Variants in AGAP3 observed in about 807,000 individuals in gnomAD.
AGAP3 encodes ArfGAP with GTPase domain, ankyrin repeat and PH domain 3, also known as arf-GAP with GTPase, ANK repeat and PH domain-containing protein 3.
A neutral mutation model predicts 96.9 loss-of-function variants in AGAP3; 24 were observed. The ratio of observed to expected loss-of-function variants is 0.25; its 90% CI spans 0.18 to 0.35. The LOEUF (loss-of-function observed/expected upper bound fraction) is 0.35. AGAP3 is among the 10% of genes least tolerant of loss of function. AGAP3 has a pLI of 1.00. For synonymous variants in AGAP3, 563 were observed against 536.1 expected, an observed-to-expected ratio of 1.05 and a Z score of -0.69; for missense variants, 876 against 1,254.2, an observed-to-expected ratio of 0.70 and a Z score of 4.55.
chr7:151,096,357 C>T lies in AGAP3; in HGVS notation c.331+9285C>T, dbSNP rs1371120596. The stretch of plus-strand genomic sequence containing the variant: ...TGAGGGGGCAGGGCTGTCACAGGGC[C>T]TGCACGTTCCCGTGAACACCCAGGG... On this transcript the variant is annotated intron_variant, in intron 1 of 17. Transcript: ENST00000397238. The surrounding 1 kb of genome is among the most constrained non-coding windows in gnomAD (Gnocchi z 4.4). 1.3e-5 allele frequency among the ~76,000 whole-genome samples: 2 copies of T among 151,020 alleles called. No individual in the cohort carries two copies. Among genetic ancestry groups the T allele is most frequent in the African/African-American group, 2.4e-5 (1 of 41,234 alleles).
rs1799681600 is a variant in AGAP3 at position 151,118,050 on chromosome 7, T to G, written c.707-160T>G. ...TGCTGGTTTGCACTCAGTGAGGCCA[T>G]GGAAGGGTTGAAATGAGACCCAGGC... On this transcript the variant is annotated intron_variant, in intron 5 of 17. Transcript: ENST00000397238. The surrounding 1 kb of genome is among the most constrained non-coding windows in gnomAD (Gnocchi z 6.1). The G allele has an allele frequency of 3.9e-6, 4 of 1,027,710 alleles. No homozygotes were observed. The highest frequency in any genetic ancestry group is 5.6e-6 in the Non-Finnish European group (4 of 712,526). The allele number at this position is 1,027,710 out of a possible 1,614,324, so 63.7% of individuals were successfully genotyped here. A position where few individuals can be genotyped will look rare whatever the true frequency, so the allele number is the denominator to read the frequency against.
chr7:151,120,283 C>T (rs1328146067), intron 8 of AGAP3, 138 bp downstream of exon 8: 18 of 945,446 alleles, frequency 1.9e-5, no homozygotes, highest in African/African-American at 6.6e-5. Flanking sequence ...CAGATACACA[C>T]GGCTCCCGAG....
chr7:151,125,819 A>G (rs907828303), intron 9 of AGAP3, among the ~76,000 whole-genome samples: 2 of 152,234 alleles, frequency 1.3e-5, no homozygotes, highest in African/African-American at 4.8e-5. Context: ...GGACTCCGCA[A>G]TTAAGTCGGC....
Position 151,114,682 on chromosome 7 carries a change from G to A in AGAP3, c.332-2111G>A. On this transcript the variant is annotated intron_variant, in intron 1 of 17. Transcript: ENST00000397238. This position sits in a 1 kb window ranked among gnomAD's most constrained non-coding sequence, Gnocchi z 4.4. ...GCCCACACCAGGTGCCCAGAGGCCG[G>A]AGGTCCGTGCGCCCCGGCCGCGGCC... 1 of 990,536 alleles carries A rather than the reference G, an allele frequency of 1.0e-6. No individual in the cohort carries two copies. The highest frequency in any genetic ancestry group is 1.7e-5 in the African/African-American group (1 of 57,344). 61.4% of individuals were successfully genotyped at this position (990,536 alleles called of 1,614,324 possible).
At chr7:151,094,867 C>T (rs574866188) in intron 1 of AGAP3, among the ~76,000 whole-genome samples, 20 of 151,396 alleles carry the variant, frequency 1.3e-4, no homozygotes, top group African/African-American at 4.9e-4. Context: ...CCCTTCCTCC[C>T]TTCCTCCCTT....
rs774517617 is a variant in AGAP3 at position 151,134,519 on chromosome 7, C to T, written c.1446C>T (p.Ala482=). The change falls in exon 11 of 18, where the codon GCC becomes GCT. Residue 482 remains alanine (A), a synonymous_variant. Transcript: ENST00000397238. The stretch of plus-strand genomic sequence containing the variant: ...CAGCCCCGGGCACCAGCCCCCGTGC[C>T]AACGGGCTGTCCGTGGAGCGGAGTA... ...PATAPGTSPR[A]NGLSVERSNT... 1 of 1,613,196 alleles carries T rather than the reference C, an allele frequency of 6.2e-7. No individual in the cohort carries two copies. The highest frequency in any genetic ancestry group is 1.1e-5 in the South Asian group (1 of 91,056).
At position 151,143,364 on chromosome 7, in the gene AGAP3, G is replaced by A. The variant is rs746151673; in HGVS notation, c.2297G>A (p.Arg766Gln). 7.4e-6 allele frequency: 12 copies of A among 1,613,088 alleles called. No individual in the cohort carries two copies. In the East Asian group the frequency reaches 1.1e-4, roughly 15 times the overall value. Residue 766 changes from arginine (R) to glutamine (Q), a missense_variant, in exon 17 of 18, where the codon CGG becomes CAG. Around this residue, in one of 8 missense-constraint regions of AGAP3, gnomAD observed 213 missense variants for 253.8 expected, o/e 0.84. Transcript: ENST00000397238. The surrounding 1 kb of genome is among the most constrained non-coding windows in gnomAD (Gnocchi z 5.9). ...AGAGAGGAGAAGGAACGCTGGATAC[G>A]GGCCAAGTATGAACAGAAGCTCTTC... Reference protein sequence around the residue: ...ACREEKERWIRAKYEQKLFLA... With the variant: ...ACREEKERWIQAKYEQKLFLA...
At chr7:151,135,534 C>G (rs1269697624) in intron 11 of AGAP3, among the ~76,000 whole-genome samples, 4 of 152,326 alleles carry the variant, frequency 2.6e-5, no homozygotes, top group African/African-American at 9.6e-5. Flanking sequence ...GTCCCACTCA[C>G]AAGGCTGATG....
chr7:151,137,206 G>A (rs1467380473), intron 11 of AGAP3, among the ~76,000 whole-genome samples: 1 of 152,222 alleles, frequency 6.6e-6, no homozygotes, highest in Non-Finnish European at 1.5e-5. Flanking sequence ...GAGACCTGGC[G>A]CCTGCCCTTC....
chr7:151,142,718 A>C lies in AGAP3; in HGVS notation c.2273+84A>C. 7.0e-7 allele frequency: 1 copy of C among 1,426,224 alleles called. No homozygotes were observed. The highest frequency in any genetic ancestry group is 9.6e-7 in the Non-Finnish European group (1 of 1,040,914). The allele number at this position is 1,426,224 out of a possible 1,614,324, so 88.3% of individuals were successfully genotyped here. A position where few individuals can be genotyped will look rare whatever the true frequency, so the allele number is the denominator to read the frequency against. On this transcript the variant is annotated intron_variant, in intron 16 of 17. Transcript: ENST00000397238. The surrounding 1 kb of genome is among the most constrained non-coding windows in gnomAD (Gnocchi z 7.5). ...CATGGGGAAGATTGGAGTGGCTGTG[A>C]TGGTATTAGAAGGGTTAAAACTGTC... is the stretch of plus-strand genomic sequence containing the variant.
chr7:151,105,691 G>A (rs1282041177), intron 1 of AGAP3, among the ~76,000 whole-genome samples: 5 of 150,770 alleles, frequency 3.3e-5, no homozygotes, highest in Non-Finnish European at 5.9e-5. Context: ...TCTTGAGCCC[G>A]GGAGGGGAGA....
chr7:151,125,911 C>T (rs1800140035), intron 9 of AGAP3, among the ~76,000 whole-genome samples: 1 of 152,230 alleles, frequency 6.6e-6, no homozygotes, highest in South Asian at 2.1e-4. Flanking sequence ...GTTCCCATTC[C>T]GCCCCAGATT....
At position 151,116,745 on chromosome 7, in the gene AGAP3, G is replaced by A. The variant is rs370623093; in HGVS notation, c.332-48G>A. ...GACACAGGCAGCAGTGGTTGGGACA[G>A]GTGTGTGTGCCACCCTGGCCCTGAC... On this transcript the variant is annotated intron_variant, in intron 1 of 17. Transcript: ENST00000397238. 4 of 1,610,116 alleles carry A rather than the reference G, an allele frequency of 2.5e-6. No homozygotes were observed. The African/African-American group carries it at 5.3e-5, about 22-fold the overall frequency.
Position 151,118,705 on chromosome 7 carries a change from C to A in AGAP3, c.969+73C>A. The A allele has an allele frequency of 6.4e-7, 1 of 1,562,768 alleles. No individual in the cohort carries two copies. The highest frequency in any genetic ancestry group is 8.7e-7 in the Non-Finnish European group (1 of 1,149,494). ...CTTGCCTCTGTGCGTCCTGCCACTTCTGCTGGCCTCCTGCTCACACCTGTC... is the reference window on the plus strand; with the variant it reads ...CTTGCCTCTGTGCGTCCTGCCACTTATGCTGGCCTCCTGCTCACACCTGTC... On this transcript the variant is annotated intron_variant, in intron 7 of 17. Coordinates refer to ENST00000397238, the MANE Select transcript of AGAP3 (RefSeq NM_031946.7). The surrounding 1 kb of genome is among the most constrained non-coding windows in gnomAD (Gnocchi z 6.1).
rs1584792865 is a variant in AGAP3 at position 151,141,544 on chromosome 7, A to C, written c.1805-354A>C. On this transcript the variant is annotated intron_variant, in intron 13 of 17. Transcript: ENST00000397238. The surrounding 1 kb of genome is among the most constrained non-coding windows in gnomAD (Gnocchi z 4.2). ...CCTCTCCCAGTGTTTGCCTCCTAGC[A>C]CCCCGTCACATCCTTCTCCAGATAC... The C allele has an allele frequency of 3.5e-6, 1 of 286,286 alleles. No homozygotes were observed. Among genetic ancestry groups the C allele is most frequent in the South Asian group, 4.3e-5 (1 of 23,338 alleles). 17.7% of individuals were successfully genotyped at this position (286,286 alleles called of 1,614,324 possible).
Position 151,143,193 on chromosome 7 carries a change from C to T in AGAP3, c.2274-148C>T, listed in dbSNP as rs1800888198. On this transcript the variant is annotated intron_variant, in intron 16 of 17. Coordinates refer to ENST00000397238, the MANE Select transcript of AGAP3 (RefSeq NM_031946.7). The surrounding 1 kb of genome is among the most constrained non-coding windows in gnomAD (Gnocchi z 5.9). ...TGTGCCTGGAGTTTCCAAGGCTTCT[C>T]TCCTTCCTTTTTGCTCCATCTCATC... 3 of 973,950 alleles carry T rather than the reference C, an allele frequency of 3.1e-6. No individual in the cohort carries two copies. Among genetic ancestry groups the T allele is most frequent in the Non-Finnish European group, 1.5e-6 (1 of 674,758 alleles). The allele number at this position is 973,950 out of a possible 1,614,324, so 60.3% of individuals were successfully genotyped here. A position where few individuals can be genotyped will look rare whatever the true frequency, so the allele number is the denominator to read the frequency against.
At chr7:151,091,946 T>C (rs944024523) in intron 1 of AGAP3, among the ~76,000 whole-genome samples, 7 of 152,036 alleles carry the variant, frequency 4.6e-5, no homozygotes, top group Admixed American at 1.3e-4. Flanking sequence ...CAGGAGAACA[T>C]AGTGTGGCTC....
At position 151,139,404 on chromosome 7, in the gene AGAP3, C is replaced by T. The variant is rs754822850; in HGVS notation, c.1667-575C>T. 1.2e-4 allele frequency among the ~76,000 whole-genome samples: 19 copies of T among 152,294 alleles called. No individual in the cohort carries two copies. The highest frequency in any genetic ancestry group is 2.6e-4 in the Non-Finnish European group (18 of 68,024). ...GCCAGGGGCCCTTCCCTTGGGTCAC[C>T]GGTCCGGTGGCCTGTGCTGGCCTGC... On this transcript the variant is annotated intron_variant, in intron 12 of 17. Transcript: ENST00000397238. The surrounding 1 kb of genome is among the most constrained non-coding windows in gnomAD (Gnocchi z 4.9).
At chr7:151,105,287 G>A (rs1798997877) in intron 1 of AGAP3, among the ~76,000 whole-genome samples, 1 of 152,094 alleles carries the variant, frequency 6.6e-6, no homozygotes, top group Non-Finnish European at 1.5e-5. Context: ...AGAAAACAGG[G>A]TGATGTACAC....
Sources: gnomAD v4.1 joint callset for allele counts (sites outside exome capture counted in the v4.1 genomes callset) on GRCh38, gnomAD v4.1.1 for gene constraint, gnomAD v4.1.1 regional missense constraint, Gnocchi (gnomAD v3.1) non-coding constraint, MANE v1.5 for transcripts, NCBI Gene and HGNC (gene_info 2026-07-23, HGNC 2026-07-21) for gene names.